The following WDR64 variants were observed in gnomAD, a reference collection of about 807,000 sequenced individuals.
WDR64 encodes WD repeat domain 64.
Under a neutral mutation model 139.3 loss-of-function variants are expected in WDR64, and 112 were observed. The observed-to-expected ratio is 0.80, with a 90% CI of 0.69 to 0.94. The LOEUF (loss-of-function observed/expected upper bound fraction) is 0.94, where lower values mean the gene tolerates loss of function less well. Among genes scored for constraint, WDR64 ranks in the 40% least tolerant of loss-of-function variants. The pLI is 0.00. For missense variants in WDR64, 1,206 were observed against 1,293.1 expected (o/e 0.93, Z 1.03); for synonymous variants, 444 against 437.7 (o/e 1.01, Z -0.18).
At chr1:241,734,087 T>C (rs1450871441) in intron 10 of WDR64, among the ~76,000 whole-genome samples, 1 of 152,190 alleles carries the variant, frequency 6.6e-6, no homozygotes, top group Admixed American at 6.6e-5. Flanking sequence ...GTCATCCCTC[T>C]GCTCACTGAG....
intron 13 of WDR64, among the ~76,000 whole-genome samples, chr1:241,746,152 T>C (rs1194762552): frequency 6.6e-6 from 1 of 152,068 alleles, no homozygotes; most frequent in Admixed American, 6.6e-5. Flanking sequence ...CAACAAATAC[T>C]GGGGGTGTGA....
At chr1:241,775,080 T>A (rs1291990535) in intron 20 of WDR64, 25 bp from the exon 21 acceptor site, 1 of 1,524,430 alleles carries the variant, frequency 6.6e-7, no homozygotes, top group Admixed American at 2.0e-5. Flanking sequence ...AAGAAAAAGT[T>A]TTATTTGCAT....
Position 241,772,910 on chromosome 1 carries a change from C to T in WDR64, c.2409C>T (p.His803=). The change falls in exon 20 of 28, where the codon CAC becomes CAT. Residue 803 remains histidine (H), a synonymous_variant. Coordinates refer to ENST00000437684, the MANE Select transcript of WDR64 (RefSeq NM_001367482.1). ...TTGTCACTGCTCATGAGGATGGACA[C>T]CTCCGCTTGTGGACTCTGGAGGTAA... ...PILVTAHEDG[H]LRLWTLEGRL... is the part of the protein sequence containing the mutation. 1 of 1,551,430 alleles carries T rather than the reference C, an allele frequency of 6.4e-7. No individual in the cohort carries two copies. Among genetic ancestry groups the T allele is most frequent in the Non-Finnish European group, 8.7e-7 (1 of 1,146,768 alleles).
intron 2 of WDR64, among the ~76,000 whole-genome samples, chr1:241,661,090 G>A (rs1665814939): frequency 6.6e-6 from 1 of 151,684 alleles, no homozygotes; most frequent in South Asian, 2.1e-4. Context: ...GATCACCATG[G>A]TATTTATTCT....
At chr1:241,730,972 G>A (rs1669055030) in intron 10 of WDR64, among the ~76,000 whole-genome samples, 1 of 151,914 alleles carries the variant, frequency 6.6e-6, no homozygotes, top group African/African-American at 2.4e-5. Context: ...AGGTTGATCT[G>A]GTATATCTCT....
At chr1:241,675,661 T>G (rs747083329) in intron 4 of WDR64, among the ~76,000 whole-genome samples, 2 of 152,246 alleles carry the variant, frequency 1.3e-5, no homozygotes, top group Non-Finnish European at 2.9e-5. Flanking sequence ...CCCTACTGTT[T>G]TACTAATTAT....
At chr1:241,696,113 CAAAAAAAAA>C (rs541301982) in intron 8 of WDR64, among the ~76,000 whole-genome samples, 3 of 22,322 alleles carry the variant, frequency 1.3e-4, no homozygotes, top group Non-Finnish European at 1.7e-4. Flanking sequence ...GACCCAGTAT[CAAAAAAAAA>C]AAAAAAAAAA....
At position 241,747,459 on chromosome 1, in the gene WDR64, C is replaced by T. The variant is rs577249184; in HGVS notation, c.1595-2088C>T. Among the ~76,000 whole-genome samples the T allele has an allele frequency of 2.0e-5, 3 of 152,254 alleles. No homozygotes were observed. The East Asian group carries it at 5.8e-4, about 29-fold the overall frequency. On this transcript the variant is annotated intron_variant, in intron 13 of 27. Coordinates refer to ENST00000437684, the MANE Select transcript of WDR64 (RefSeq NM_001367482.1). ...CTACTATTTTTGCAACTTTCTGTTT[C>T]TTTTTATTTTTCAAAGTTCAAAATA...
intron 8 of WDR64, among the ~76,000 whole-genome samples, chr1:241,710,382 C>T (rs34505857): frequency 0.17 from 25,537 of 152,096 alleles, 2,186 homozygotes; most frequent in South Asian, 0.18. Flanking sequence ...GAAGCCCACA[C>T]GTTGTCACTC....
At chr1:241,782,313 CAGATTTT>C (rs1283529943) in intron 22 of WDR64, among the ~76,000 whole-genome samples, 1 of 152,048 alleles carries the variant, frequency 6.6e-6, no homozygotes, top group Non-Finnish European at 1.5e-5. Context: ...ACTAGGAGTC[CAGATTTT>C]ACTTTGGCTC....
At position 241,719,173 on chromosome 1, in the gene WDR64, A is replaced by AT. The variant is rs568806807; in HGVS notation, c.1055-4117dup. Reference sequence around the variant, plus strand: ...TTAGATGAACATTCAATGAAGATCCATTTTTTTGTTTGAATACATGTTTTT... The same window carrying AT: ...TTAGATGAACATTCAATGAAGATCCATTTTTTTTGTTTGAATACATGTTTTT... On this transcript the variant is annotated intron_variant, in intron 9 of 27. Coordinates refer to ENST00000437684, the MANE Select transcript of WDR64 (RefSeq NM_001367482.1). 3.2e-4 allele frequency among the ~76,000 whole-genome samples: 49 copies of AT among 152,276 alleles called. No individual in the cohort carries two copies. The South Asian group carries it at 4.4e-3, about 14-fold the overall frequency.
chr1:241,795,475 T>C (rs1659338252), intron 26 of WDR64, among the ~76,000 whole-genome samples, 188 bp downstream of exon 26: 3 of 152,206 alleles, frequency 2.0e-5, no homozygotes, highest in African/African-American at 7.2e-5. Flanking sequence ...CCGGGTCCCT[T>C]GTCTCTGCCA....
At chr1:241,681,972 ATTGT>A (rs753295344) in intron 6 of WDR64, among the ~76,000 whole-genome samples, 2 of 151,126 alleles carry the variant, frequency 1.3e-5, no homozygotes, top group Non-Finnish European at 3.0e-5. Context: ...TTTTGATGAG[ATTGT>A]TTGTTTTTTT....
intron 24 of WDR64, 90 bp downstream of exon 24, chr1:241,788,124 C>G: frequency 8.5e-7 from 1 of 1,176,022 alleles, no homozygotes; most frequent in Non-Finnish European, 1.2e-6. Flanking sequence ...GAATTCAAGG[C>G]AAGAGGTCCA....
intron 23 of WDR64, 64 bp from the exon 24 acceptor site, chr1:241,787,785 G>T: frequency 7.1e-7 from 1 of 1,411,184 alleles, no homozygotes; most frequent in South Asian, 1.5e-5. Flanking sequence ...ACGATCTAAT[G>T]AACAGAATAA....
intron 6 of WDR64, among the ~76,000 whole-genome samples, chr1:241,681,143 T>C (rs975785169): frequency 6.6e-6 from 1 of 152,116 alleles, no homozygotes; most frequent in Non-Finnish European, 1.5e-5. Flanking sequence ...TTCCATAGGT[T>C]TGGGGGGAAC....
At chr1:241,768,775 T>C (rs1658290184) in intron 16 of WDR64, among the ~76,000 whole-genome samples, 1 of 152,188 alleles carries the variant, frequency 6.6e-6, no homozygotes, top group Non-Finnish European at 1.5e-5. Context: ...ACTATTCCCC[T>C]GTTCCTAGGA....
intron 8 of WDR64, among the ~76,000 whole-genome samples, chr1:241,696,142 G>A (rs1196520249): frequency 5.9e-3 from 241 of 40,538 alleles, no homozygotes; most frequent in African/African-American, 0.012. Flanking sequence ...AAAAAAAAAA[G>A]CATTAGTCTG....
At chr1:241,701,028 T>G (rs914622640) in intron 8 of WDR64, among the ~76,000 whole-genome samples, 1 of 152,242 alleles carries the variant, frequency 6.6e-6, no homozygotes, top group African/African-American at 2.4e-5. Flanking sequence ...CATTAGGATC[T>G]GTCAATCAGG....
Sources: gnomAD v4.1 joint callset for allele counts (sites outside exome capture counted in the v4.1 genomes callset) on GRCh38, gnomAD v4.1.1 for gene constraint, MANE v1.5 for transcripts, NCBI Gene and HGNC (gene_info 2026-07-23, HGNC 2026-07-21) for gene names.